Variants in ROBO1 observed in about 807,000 individuals in gnomAD.
ROBO1 encodes roundabout homolog 1.
Under a neutral mutation model 195.9 loss-of-function variants are expected in ROBO1, and 149 were observed. The ratio of observed to expected loss-of-function variants is 0.76; its 90% CI spans 0.67 to 0.87. The LOEUF (loss-of-function observed/expected upper bound fraction) is 0.87, where lower values mean the gene tolerates loss of function less well. Among genes scored for constraint, ROBO1 ranks in the 40% least tolerant of loss-of-function variants. The pLI, the probability that ROBO1 is intolerant of heterozygous loss-of-function variation, is 0.00. For synonymous variants in ROBO1, 816 were observed against 733.2 expected (o/e 1.11, Z -1.82); for missense variants, 1,933 against 2,068.3 (o/e 0.93, Z 1.27).
At chr3:79,299,475 TATAA>T (rs2032773761) in intron 2 of ROBO1, among the ~76,000 whole-genome samples, 1 of 152,314 alleles carries the variant, frequency 6.6e-6, no homozygotes, top group East Asian at 1.9e-4. Flanking sequence ...TCGTTTATTA[TATAA>T]ATAAGCTATG....
At chr3:79,125,369 T>G (rs957091708) in intron 3 of ROBO1, 87 bp downstream of exon 3, 2 of 1,055,064 alleles carry the variant, frequency 1.9e-6, no homozygotes, top group African/African-American at 1.6e-5. Context: ...CAGGGATGAT[T>G]CGATTAATTT....
chr3:79,647,104 T>A (rs1252341534), intron 1 of ROBO1, among the ~76,000 whole-genome samples: 1 of 152,128 alleles, frequency 6.6e-6, no homozygotes, highest in African/African-American at 2.4e-5. Flanking sequence ...TTACGAATTA[T>A]TTAATGTAAG....
intron 2 of ROBO1, among the ~76,000 whole-genome samples, chr3:79,541,294 G>A (rs1942055431): frequency 6.6e-6 from 1 of 151,982 alleles, no homozygotes; most frequent in Non-Finnish European, 1.5e-5. Flanking sequence ...GACGTGACAG[G>A]CCAATTCATG....
At chr3:79,391,018 A>T (rs1459564678) in intron 2 of ROBO1, among the ~76,000 whole-genome samples, 1 of 151,846 alleles carries the variant, frequency 6.6e-6, no homozygotes, top group East Asian at 1.9e-4. Flanking sequence ...ACACTGGCCA[A>T]GGATGGTGGC....
intron 1 of ROBO1, among the ~76,000 whole-genome samples, chr3:79,658,933 C>T (rs1946249100): frequency 6.6e-6 from 1 of 151,940 alleles, no homozygotes; most frequent in African/African-American, 2.4e-5. Flanking sequence ...GATGGGGTTT[C>T]ACCATGTTGG....
intron 21 of ROBO1, among the ~76,000 whole-genome samples, chr3:78,644,239 T>A (rs913583761): frequency 6.6e-5 from 10 of 152,102 alleles, no homozygotes; most frequent in African/African-American, 2.4e-4. Context: ...CCGTAGCATT[T>A]ATCAACTGCT....
chr3:78,990,020 T>C (rs1373261930), intron 3 of ROBO1, among the ~76,000 whole-genome samples: 1 of 152,132 alleles, frequency 6.6e-6, no homozygotes, highest in Non-Finnish European at 1.5e-5. Flanking sequence ...TTGTACACCT[T>C]AGTGGTGTTT....
At chr3:79,679,758 C>G (rs1946887785) in intron 1 of ROBO1, among the ~76,000 whole-genome samples, 1 of 151,752 alleles carries the variant, frequency 6.6e-6, no homozygotes, top group Non-Finnish European at 1.5e-5. Flanking sequence ...CCTTTGACTT[C>G]TACAAATGTG....
rs561275743 is a variant in ROBO1, at chr3:78,642,719, T to C, written c.2883-2821A>G. 9.3e-4 allele frequency among the ~76,000 whole-genome samples: 142 copies of C among 152,310 alleles called. 1 individual carries two copies. In the Middle Eastern group the frequency reaches 0.014, roughly 15 times the overall value. On this transcript the variant is annotated intron_variant, in intron 21 of 30. Coordinates refer to ENST00000464233, the MANE Select transcript of ROBO1 (RefSeq NM_002941.4). ...CGGCTACTTAATATTTCCATGATCA[T>C]TTCCCTGGATTTTCTCACAAATTCT...
In ROBO1 at chr3:79,145,370, CAT is replaced by C. The variant is rs1307997297; in HGVS notation, c.89-19833_89-19832del. Among the ~76,000 whole-genome samples the C allele has an allele frequency of 9.6e-3, 171 of 17,882 alleles. 1 individual carries two copies. Among genetic ancestry groups the C allele is most frequent in the African/African-American group, 0.028 (158 of 5,660 alleles). The allele number at this position is 17,882 out of a possible 152,430, so 11.7% of individuals were successfully genotyped here. Reference sequence around the variant, plus strand: ...TTCTGATGCCAGAAATACACACACACATACACACACACACACACACACACACA... The same window carrying C: ...TTCTGATGCCAGAAATACACACACACACACACACACACACACACACACACA... On this transcript the variant is annotated intron_variant, in intron 2 of 30. Transcript: ENST00000464233.
intron 2 of ROBO1, among the ~76,000 whole-genome samples, chr3:79,386,697 A>G (rs2036761523): frequency 1.3e-5 from 2 of 152,138 alleles, no homozygotes; most frequent in African/African-American, 4.8e-5. Context: ...TTGTGAGATA[A>G]GAAACAATAC....
At chr3:78,743,438 C>T (rs746222532) in intron 5 of ROBO1, among the ~76,000 whole-genome samples, 3 of 152,094 alleles carry the variant, frequency 2.0e-5, no homozygotes, top group Non-Finnish European at 4.4e-5. Context: ...GTGACTGCTC[C>T]CTCTCAGTTT....
chr3:79,040,698 C>A (rs895009859), intron 3 of ROBO1, among the ~76,000 whole-genome samples: 2 of 152,120 alleles, frequency 1.3e-5, no homozygotes, highest in Admixed American at 6.6e-5. Flanking sequence ...GTTGTAGACA[C>A]AAAACACCCT....
intron 2 of ROBO1, among the ~76,000 whole-genome samples, chr3:79,562,054 A>G (rs1453443201): frequency 6.6e-6 from 1 of 152,180 alleles, no homozygotes; most frequent in African/African-American, 2.4e-5. Flanking sequence ...AAAGTTTTAT[A>G]CATGTGGCCT....
chr3:78,927,622 T>C (rs973872365), intron 4 of ROBO1, among the ~76,000 whole-genome samples: 2 of 152,206 alleles, frequency 1.3e-5, no homozygotes, highest in Non-Finnish European at 2.9e-5. Flanking sequence ...AAAATAATAA[T>C]TCATTGGTAT....
intron 5 of ROBO1, among the ~76,000 whole-genome samples, chr3:78,719,418 G>T (rs1450590883): frequency 6.6e-6 from 1 of 151,908 alleles, no homozygotes; most frequent in African/African-American, 2.4e-5. Flanking sequence ...GTTAATTATT[G>T]TTAGTACTTT....
At chr3:79,313,557 G>A (rs752344005) in intron 2 of ROBO1, among the ~76,000 whole-genome samples, 2 of 152,092 alleles carry the variant, frequency 1.3e-5, no homozygotes, top group Non-Finnish European at 2.9e-5. Context: ...TGTCAGATTC[G>A]AGTACTTCTT....
At chr3:79,649,324 T>A (rs1265302017) in intron 1 of ROBO1, among the ~76,000 whole-genome samples, 4 of 152,090 alleles carry the variant, frequency 2.6e-5, no homozygotes, top group Non-Finnish European at 5.9e-5. Flanking sequence ...TATATTTATG[T>A]AATGTATATG....
intron 3 of ROBO1, among the ~76,000 whole-genome samples, chr3:79,034,511 C>A (rs2078349784): frequency 6.6e-6 from 1 of 152,032 alleles, no homozygotes; most frequent in African/African-American, 2.4e-5. Flanking sequence ...GTATTTCCAA[C>A]TCTAGGAAGC....
Sources: allele counts gnomAD v4.1 joint callset (sites outside exome capture counted in the v4.1 genomes callset), GRCh38; gene constraint gnomAD v4.1.1; transcripts MANE v1.5; gene names NCBI Gene and HGNC (gene_info 2026-07-23, HGNC 2026-07-21).